The following IQUB variants were observed in gnomAD, a reference collection of about 807,000 sequenced individuals.
The protein encoded by IQUB is IQ motif and ubiquitin domain containing, also known as IQ motif and ubiquitin-like domain-containing protein.
IQUB carries 86 observed loss-of-function variants against 86.4 expected under a neutral mutation model. That is an observed-to-expected ratio of 1.00 (90% CI 0.84 to 1.19). The LOEUF (loss-of-function observed/expected upper bound fraction) is 1.19. Ranked by LOEUF, IQUB falls within the 50% of genes most tolerant of loss-of-function variation. IQUB has a pLI of 0.00. For synonymous variants in IQUB, 289 were observed against 304.5 expected, an observed-to-expected ratio of 0.95 and a Z score of 0.53; for missense variants, 946 against 916.9, an observed-to-expected ratio of 1.03 and a Z score of -0.41.
At chr7:123,453,286 T>TATATATATA (rs1300312483) in intron 12 of IQUB, among the ~76,000 whole-genome samples, 3 of 115,470 alleles carry the variant, frequency 2.6e-5, no homozygotes, top group Non-Finnish European at 5.9e-5. Context: ...ATATATATAT[T>TATATATATA]ATTAATGTTA....
In IQUB at chr7:123,469,212, A is replaced by ATG; in HGVS notation, c.1581+1_1581+2insCA. 1.3e-6 allele frequency: 2 copies of ATG among 1,513,512 alleles called. No individual in the cohort carries two copies. The highest frequency in any genetic ancestry group is 1.8e-6 in the Non-Finnish European group (2 of 1,130,790). 93.8% of individuals were successfully genotyped at this position (1,513,512 alleles called of 1,614,324 possible). A position where few individuals can be genotyped will look rare whatever the true frequency, so the allele number is the denominator to read the frequency against. On this transcript the variant is annotated splice_donor_variant, in intron 9 of 12. Transcript: ENST00000324698. LOFTEE classifies it high-confidence loss of function. Reference sequence around the variant, plus strand: ...CCCCAAACTAAGAGAAAGTTAACATACCTTTACAGTGTGTTTAAGAGTTAA... The same window carrying ATG: ...CCCCAAACTAAGAGAAAGTTAACATATGCCTTTACAGTGTGTTTAAGAGTTAA...
chr7:123,468,640 G>A (rs1794372403), intron 9 of IQUB, among the ~76,000 whole-genome samples: 1 of 152,168 alleles, frequency 6.6e-6, no homozygotes, highest in Non-Finnish European at 1.5e-5. Flanking sequence ...TGAAGTCATT[G>A]TTCAGAATCC....
At chr7:123,453,739 T>TTTGA (rs1793560740) in intron 12 of IQUB, among the ~76,000 whole-genome samples, 1 of 152,132 alleles carries the variant, frequency 6.6e-6, no homozygotes, top group African/African-American at 2.4e-5. Context: ...TAAACCCACA[T>TTTGA]TTGATTAAAT....
rs137941308 is a variant in IQUB, at chr7:123,515,517, G to A, written c.-4-3173C>T. 5.0e-3 allele frequency among the ~76,000 whole-genome samples: 762 copies of A among 152,252 alleles called. 7 individuals are homozygous for A. Among genetic ancestry groups the A allele is most frequent in the Non-Finnish European group, 8.0e-3 (543 of 68,010 alleles). ...TTAAGCAGGGCCAGGCCTAGGTTGA[G>A]GCAAGTGAAGTGCCTAACTGCTCTA... On this transcript the variant is annotated intron_variant, in intron 1 of 12. Coordinates refer to ENST00000324698, the MANE Select transcript of IQUB (RefSeq NM_178827.5).
intron 3 of IQUB, among the ~76,000 whole-genome samples, chr7:123,505,272 G>A (rs1303825301): frequency 3.3e-5 from 5 of 152,204 alleles, no homozygotes; most frequent in African/African-American, 1.2e-4. Flanking sequence ...AGTACAAGCT[G>A]CTAATGGATC....
intron 11 of IQUB, chr7:123,458,073 T>C (rs905550815): frequency 6.6e-6 from 1 of 152,068 alleles, no homozygotes; most frequent in African/African-American, 2.4e-5. Flanking sequence ...AATTTCAGTA[T>C]ATGGGCTGCT....
chr7:123,522,942 G>C (rs930097247), intron 1 of IQUB, among the ~76,000 whole-genome samples: 6 of 147,188 alleles, frequency 4.1e-5, no homozygotes, highest in Non-Finnish European at 8.9e-5. Context: ...CTATGAGTGA[G>C]AATATGCGGT....
intron 1 of IQUB, among the ~76,000 whole-genome samples, chr7:123,526,065 G>C (rs1368256202): frequency 2.0e-5 from 3 of 148,274 alleles, no homozygotes. Flanking sequence ...TGGTCTGAGA[G>C]ATAGTTTGTT....
chr7:123,491,038 T>C (rs908514525), intron 7 of IQUB, among the ~76,000 whole-genome samples: 3 of 150,284 alleles, frequency 2.0e-5, no homozygotes, highest in African/African-American at 7.3e-5. Context: ...CTCATTACAA[T>C]AAAATTAGAA....
chr7:123,469,441 T>G, intron 8 of IQUB, 57 bp from the exon 9 acceptor site: 1 of 1,018,032 alleles, frequency 9.8e-7, no homozygotes, highest in Non-Finnish European at 1.4e-6. Flanking sequence ...CGTATAACAA[T>G]TTTGCTCCTT....
intron 1 of IQUB, among the ~76,000 whole-genome samples, chr7:123,523,459 T>A (rs371695002): frequency 1.3e-5 from 2 of 151,940 alleles, no homozygotes; most frequent in African/African-American, 2.4e-5. Context: ...GCCAGTGATG[T>A]TGAGCATTTT....
chr7:123,523,820 G>T (rs1797036133), intron 1 of IQUB, among the ~76,000 whole-genome samples: 1 of 152,022 alleles, frequency 6.6e-6, no homozygotes, highest in Non-Finnish European at 1.5e-5. Context: ...TTTCTTGTAG[G>T]GTTTTTATGG....
At position 123,461,718 on chromosome 7, in the gene IQUB, T is replaced by TA. The variant is rs889802562; in HGVS notation, c.1759-114dup. On this transcript the variant is annotated intron_variant, in intron 10 of 12. Coordinates refer to ENST00000324698, the MANE Select transcript of IQUB (RefSeq NM_178827.5). ...AACTTACTTATCTTAGAATGAGATTTAAAAAAAAAAGTTGGCTAATTTCTA... is the reference window on the plus strand; with the variant it reads ...AACTTACTTATCTTAGAATGAGATTTAAAAAAAAAAAGTTGGCTAATTTCTA... 6,758 of 856,204 alleles carry TA rather than the reference T, an allele frequency of 7.9e-3. 2 individuals are homozygous for TA. The highest frequency in any genetic ancestry group is 0.013 in the South Asian group (336 of 26,460). The allele number at this position is 856,204 out of a possible 1,614,324, so 53.0% of individuals were successfully genotyped here.
intron 9 of IQUB, among the ~76,000 whole-genome samples, chr7:123,466,854 C>A (rs1794286621): frequency 6.6e-6 from 1 of 152,116 alleles, no homozygotes; most frequent in African/African-American, 2.4e-5. Context: ...TTCTGGCAAT[C>A]TGGGCCATAT....
intron 7 of IQUB, among the ~76,000 whole-genome samples, chr7:123,481,115 C>G (rs1794983702): frequency 6.6e-6 from 1 of 152,102 alleles, no homozygotes; most frequent in Non-Finnish European, 1.5e-5. Context: ...AAGTATCCTT[C>G]TCTTAGCAGC....
At chr7:123,511,814 T>C in intron 2 of IQUB, 130 bp downstream of exon 2, 2 of 627,660 alleles carry the variant, frequency 3.2e-6, no homozygotes, top group Non-Finnish European at 5.2e-6. Flanking sequence ...CTCTGGAAGT[T>C]TGGTGGATAA....
At position 123,461,606 on chromosome 7, in the gene IQUB, C is replaced by G. The variant is rs757383972; in HGVS notation, c.1759-1G>C. The G allele has an allele frequency of 6.4e-7, 1 of 1,568,704 alleles. No individual in the cohort carries two copies. ...AAAATTTCAATGGGTCTTGAGGGAC[C>G]TAAATAAATAGTAAAAAAAGAAAAA... is the stretch of plus-strand genomic sequence containing the variant. On this transcript the variant is annotated splice_acceptor_variant, in intron 10 of 12. Transcript: ENST00000324698. LOFTEE classifies it high-confidence loss of function.
chr7:123,524,427 G>C (rs1346088270), intron 1 of IQUB, among the ~76,000 whole-genome samples: 1 of 150,998 alleles, frequency 6.6e-6, no homozygotes, highest in South Asian at 2.1e-4. Flanking sequence ...CATATCCCTT[G>C]TAAGTTGGAT....
At chr7:123,483,558 T>G (rs1440644733) in intron 7 of IQUB, among the ~76,000 whole-genome samples, 1 of 152,108 alleles carries the variant, frequency 6.6e-6, no homozygotes, top group African/African-American at 2.4e-5. Flanking sequence ...AATTATTATG[T>G]GAAAGGACAC....
Sources: gnomAD v4.1 joint callset for allele counts (sites outside exome capture counted in the v4.1 genomes callset) on GRCh38, gnomAD v4.1.1 for gene constraint, MANE v1.5 for transcripts, NCBI Gene and HGNC (gene_info 2026-07-23, HGNC 2026-07-21) for gene names.